SNX25: variants seen among roughly 807,000 people sequenced by gnomAD.
SNX25 encodes sorting nexin-25.
A neutral mutation model predicts 113.7 loss-of-function variants in SNX25; 62 were observed. The ratio of observed to expected loss-of-function variants is 0.55; its 90% CI spans 0.44 to 0.67. The LOEUF is 0.67. SNX25 is among the 30% of genes least tolerant of loss of function. The probability of loss-of-function intolerance (pLI) is 0.00; values close to 1 mark genes in which losing one functional copy is unlikely to be tolerated. For synonymous variants in SNX25, 421 were observed against 436.2 expected (o/e 0.97, Z 0.43); for missense variants, 1,014 against 1,161.0 (o/e 0.87, Z 1.84).
intron 9 of SNX25, among the ~76,000 whole-genome samples, chr4:185,326,224 G>A (rs558445821): frequency 3.9e-5 from 6 of 152,260 alleles, no homozygotes; most frequent in Non-Finnish European, 5.9e-5. Flanking sequence ...TAAGCAAAAC[G>A]TCAGAAAGGT....
rs1473797936 is a variant in SNX25, at chr4:185,354,039, C to T, written c.2584+437C>T. Among the ~76,000 whole-genome samples the T allele has an allele frequency of 2.9e-5, 4 of 135,670 alleles. No homozygotes were observed. In the East Asian group the frequency reaches 6.5e-4, roughly 22 times the overall value. 89.0% of individuals were successfully genotyped at this position (135,670 alleles called of 152,430 possible). On this transcript the variant is annotated intron_variant, in intron 15 of 18. Transcript: ENST00000652585. ...AGCCTGGGTAACAGCGAGACTCCGT[C>T]TCAAAAAAAAAAAAAAAAAGAGCCA...
intron 2 of SNX25, among the ~76,000 whole-genome samples, chr4:185,248,012 T>C (rs1275273589): frequency 2.0e-5 from 3 of 152,218 alleles, no homozygotes; most frequent in African/African-American, 7.2e-5. Flanking sequence ...GTCATGAGTT[T>C]ATCAGGTGAA....
At chr4:185,288,401 A>T (rs527976808) in intron 6 of SNX25, among the ~76,000 whole-genome samples, 1 of 152,010 alleles carries the variant, frequency 6.6e-6, no homozygotes, top group Non-Finnish European at 1.5e-5. Flanking sequence ...TTTTTCACAT[A>T]TTGAAATTTA....
At chr4:185,349,586 G>A (rs1045918726) in intron 13 of SNX25, among the ~76,000 whole-genome samples, 2 of 151,988 alleles carry the variant, frequency 1.3e-5, no homozygotes, top group Admixed American at 6.6e-5. Context: ...CTTTTCTTTT[G>A]TCTGGTGTGA....
intron 7 of SNX25, among the ~76,000 whole-genome samples, chr4:185,313,798 A>G (rs936546357): frequency 5.9e-5 from 9 of 152,230 alleles, no homozygotes; most frequent in Non-Finnish European, 1.2e-4. Context: ...AACTGCCCAT[A>G]TCCTACTATT....
At chr4:185,256,479 T>C (rs1746443452) in intron 2 of SNX25, among the ~76,000 whole-genome samples, 1 of 152,132 alleles carries the variant, frequency 6.6e-6, no homozygotes, top group Admixed American at 6.5e-5. Context: ...AAAGCCATCA[T>C]AGAATATTAA....
chr4:185,341,033 C>T (rs542124224), intron 11 of SNX25, among the ~76,000 whole-genome samples: 88 of 152,218 alleles, frequency 5.8e-4, no homozygotes, highest in Admixed American at 1.9e-3. Flanking sequence ...AATCCTGCCT[C>T]ACAGAGTGGG....
intron 15 of SNX25, among the ~76,000 whole-genome samples, chr4:185,354,550 T>C (rs2095330735): frequency 6.6e-6 from 1 of 152,160 alleles, no homozygotes; most frequent in African/African-American, 2.4e-5. Context: ...CCAATGACAG[T>C]AATGCTGGAG....
chr4:185,245,509 T>C (rs1285124013), intron 1 of SNX25, among the ~76,000 whole-genome samples: 1 of 152,074 alleles, frequency 6.6e-6, no homozygotes, highest in Non-Finnish European at 1.5e-5. Context: ...AGCTAATTTT[T>C]GTATTTTTAG....
chr4:185,323,207 C>G (rs987478036), intron 8 of SNX25, among the ~76,000 whole-genome samples: 1 of 152,156 alleles, frequency 6.6e-6, no homozygotes. Context: ...TTAGCTAATA[C>G]ATTTTCTTCT....
At chr4:185,287,406 G>A (rs761601799) in intron 5 of SNX25, among the ~76,000 whole-genome samples, 1 of 152,170 alleles carries the variant, frequency 6.6e-6, no homozygotes, top group African/African-American at 2.4e-5. Flanking sequence ...TAAATGAGAA[G>A]CAATGAGGCG....
chr4:185,300,836 TTATGACAC>T (rs1234119215), intron 6 of SNX25, among the ~76,000 whole-genome samples: 1 of 59,196 alleles, frequency 1.7e-5, no homozygotes. Flanking sequence ...ATTATGATTA[TTATGACAC>T]ACACACACAC....
rs533807860 is a variant in SNX25 at position 185,302,110 on chromosome 4, T to G, written c.1163-8525T>G. Among the ~76,000 whole-genome samples, 946 of 149,024 alleles carry G rather than the reference T, an allele frequency of 6.3e-3. 9 individuals carry two copies. Among genetic ancestry groups the G allele is most frequent in the Non-Finnish European group, 7.8e-3 (524 of 67,148 alleles). On this transcript the variant is annotated intron_variant, in intron 6 of 18. Coordinates refer to ENST00000652585, the MANE Select transcript of SNX25 (RefSeq NM_001378034.2). ...GTGTGTGTTTTTTTTGTTTTTTTTT[T>G]TTTTTAGTAGAGACAGGGTTTCACT... is the stretch of plus-strand genomic sequence containing the variant.
At chr4:185,366,945 T>G (rs1400581987), downstream of SNX25, 1 of 427,444 alleles carries the variant, frequency 2.3e-6, no homozygotes, top group East Asian at 3.9e-5. Context: ...TCTCGGCCAG[T>G]CTGTAGGGTA....
At chr4:185,242,855 G>C (rs1451577440) in intron 1 of SNX25, among the ~76,000 whole-genome samples, 1 of 152,186 alleles carries the variant, frequency 6.6e-6, no homozygotes, top group Non-Finnish European at 1.5e-5. Flanking sequence ...AGGGCTGTGG[G>C]AGTTAGGAGC....
Position 185,209,645 on chromosome 4 carries a change from C to A in SNX25, c.-182C>A. 4.1e-6 allele frequency: 3 copies of A among 736,778 alleles called. No individual in the cohort carries two copies. The highest frequency in any genetic ancestry group is 5.0e-6 in the Non-Finnish European group (3 of 602,790). 45.6% of individuals were successfully genotyped at this position (736,778 alleles called of 1,614,324 possible). A position where few individuals can be genotyped will look rare whatever the true frequency, so the allele number is the denominator to read the frequency against. Reference sequence around the variant, plus strand: ...CTGGCTGCGCCCGGCCCGGCAGCTACGGGCCCAGCGCCTGGTGGCGGCGCT... The same window carrying A: ...CTGGCTGCGCCCGGCCCGGCAGCTAAGGGCCCAGCGCCTGGTGGCGGCGCT... On this transcript the variant is annotated 5_prime_UTR_variant, in exon 1 of 19. Transcript: ENST00000652585. This position sits in a 1 kb window ranked among gnomAD's most constrained non-coding sequence, Gnocchi z 5.2.
chr4:185,321,118 T>A (rs2126684985), intron 8 of SNX25, among the ~76,000 whole-genome samples: 1 of 151,932 alleles, frequency 6.6e-6, no homozygotes. Flanking sequence ...GTTTTGGGTA[T>A]TTTTTTTACA....
intron 1 of SNX25, among the ~76,000 whole-genome samples, chr4:185,225,424 A>C (rs1048517563): frequency 6.6e-6 from 1 of 152,120 alleles, no homozygotes; most frequent in Non-Finnish European, 1.5e-5. Flanking sequence ...GCACCCGGCC[A>C]GTATATTCTC....
intron 15 of SNX25, among the ~76,000 whole-genome samples, chr4:185,354,742 T>C (rs2095331501): frequency 6.6e-6 from 1 of 152,230 alleles, no homozygotes; most frequent in Admixed American, 6.5e-5. Context: ...TAGGACTTAA[T>C]GCTACTCTCC....
Sources: allele counts gnomAD v4.1 joint callset (sites outside exome capture counted in the v4.1 genomes callset), GRCh38; gene constraint gnomAD v4.1.1; non-coding constraint Gnocchi (gnomAD v3.1); transcripts MANE v1.5; gene names NCBI Gene and HGNC (gene_info 2026-07-23, HGNC 2026-07-21).